ERC2: variants seen among roughly 807,000 people sequenced by gnomAD.
ERC2 encodes the protein ERC protein 2.
In ERC2, 42 loss-of-function variants were observed where a neutral mutation model predicts 114.8. The ratio of observed to expected loss-of-function variants is 0.37; its 90% confidence interval spans 0.29 to 0.47. ERC2 has a LOEUF of 0.47. Among genes scored for constraint, ERC2 ranks in the 20% least tolerant of loss-of-function variants. The pLI is 0.99. For missense variants in ERC2, 939 were observed against 1,150.7 expected (o/e 0.82, Z 2.66); for synonymous variants, 454 against 425.5 (o/e 1.07, Z -0.82).
At chr3:55,866,455 G>T (rs1194289397) in intron 14 of ERC2, among the ~76,000 whole-genome samples, 1 of 152,134 alleles carries the variant, frequency 6.6e-6, no homozygotes, top group Non-Finnish European at 1.5e-5. Context: ...TAGCACAAAA[G>T]TTTTTAATTT....
At chr3:56,309,747 T>A (rs1017405104) in intron 2 of ERC2, among the ~76,000 whole-genome samples, 1 of 152,208 alleles carries the variant, frequency 6.6e-6, no homozygotes, top group Non-Finnish European at 1.5e-5. Flanking sequence ...ACAAGTTCCC[T>A]TAAAGCCTGA....
intron 2 of ERC2, among the ~76,000 whole-genome samples, chr3:56,359,739 C>G (rs1314027015): frequency 6.6e-6 from 1 of 152,198 alleles, no homozygotes; most frequent in East Asian, 1.9e-4. Flanking sequence ...CTAGAAGATT[C>G]CACCCATGGG....
At chr3:55,564,566 G>A (rs77505408) in intron 17 of ERC2, among the ~76,000 whole-genome samples, 9,271 of 152,210 alleles carry the variant, frequency 0.061, 396 homozygotes, top group Non-Finnish European at 0.088. Context: ...TAAGTACACC[G>A]TCCTTCTTAG....
At chr3:55,869,688 T>C (rs1305499226) in intron 14 of ERC2, among the ~76,000 whole-genome samples, 2 of 152,154 alleles carry the variant, frequency 1.3e-5, no homozygotes, top group African/African-American at 4.8e-5. Flanking sequence ...CCACCCTGTA[T>C]TATAATTACC....
At chr3:55,858,529 A>G (rs957622297) in intron 14 of ERC2, among the ~76,000 whole-genome samples, 27 of 152,330 alleles carry the variant, frequency 1.8e-4, no homozygotes, top group African/African-American at 6.3e-4. Context: ...GCTGCTCACA[A>G]TGAAACAGAA....
At chr3:56,062,201 C>A (rs2076272169) in intron 7 of ERC2, among the ~76,000 whole-genome samples, 1 of 152,020 alleles carries the variant, frequency 6.6e-6, no homozygotes, top group South Asian at 2.1e-4. Flanking sequence ...TACATGTAAG[C>A]TAATTATTTT....
In ERC2 at chr3:55,798,975, AAAAT is replaced by A. The variant is rs554730009; in HGVS notation, c.2565-64061_2565-64058del. Among the ~76,000 whole-genome samples, 5 of 152,354 alleles carry A rather than the reference AAAAT, an allele frequency of 3.3e-5. No homozygotes were observed. In the South Asian group the frequency reaches 1.0e-3, roughly 32 times the overall value. ...AAATAATGTCCAATTTATTGCTAAA[AAAAT>A]AAATAATAAAGTACTAGACAAGAAG... is the stretch of plus-strand genomic sequence containing the variant. On this transcript the variant is annotated intron_variant, in intron 14 of 17. Coordinates refer to ENST00000288221, the MANE Select transcript of ERC2 (RefSeq NM_015576.3).
chr3:55,728,053 C>T (rs2065029527), intron 15 of ERC2, among the ~76,000 whole-genome samples: 1 of 152,146 alleles, frequency 6.6e-6, no homozygotes, highest in Admixed American at 6.5e-5. Flanking sequence ...CTACAGGGAA[C>T]AAGGATCATG....
intron 2 of ERC2, among the ~76,000 whole-genome samples, chr3:56,321,599 A>T (rs1372693434): frequency 3.3e-5 from 5 of 152,232 alleles, no homozygotes; most frequent in Admixed American, 2.6e-4. Context: ...GGTTACAGAT[A>T]CACAGTTGCC....
Position 56,441,224 on chromosome 3 carries a change from G to A in ERC2, c.-140-6077C>T, listed in dbSNP as rs1406843906. Among the ~76,000 whole-genome samples the A allele has an allele frequency of 1.4e-4, 21 of 152,290 alleles. No homozygotes were observed. The East Asian group carries it at 4.0e-3, about 29-fold the overall frequency. On this transcript the variant is annotated intron_variant, in intron 1 of 17. Transcript: ENST00000288221. ...ATACAGAGAGAGGCCACGTGAAGGA[G>A]AACCAAAGCACCCAGCCAAGAGTCA...
intron 6 of ERC2, among the ~76,000 whole-genome samples, chr3:56,135,963 T>G (rs989916218): frequency 2.6e-5 from 4 of 152,184 alleles, no homozygotes; most frequent in Non-Finnish European, 2.9e-5. Context: ...TTAGAGTCCT[T>G]TGAAGCTATT....
intron 13 of ERC2, among the ~76,000 whole-genome samples, chr3:55,949,334 C>T (rs1359934269): frequency 6.6e-6 from 1 of 151,888 alleles, no homozygotes; most frequent in African/African-American, 2.4e-5. Context: ...CGCGCCACTG[C>T]TCTCCAGTCT....
At chr3:55,783,011 C>G (rs1394477822) in intron 14 of ERC2, among the ~76,000 whole-genome samples, 2 of 152,198 alleles carry the variant, frequency 1.3e-5, no homozygotes, top group African/African-American at 4.8e-5. Flanking sequence ...GAGCCGGAAA[C>G]AGCTGGTGTG....
At chr3:55,625,483 A>G (rs566937230) in intron 17 of ERC2, among the ~76,000 whole-genome samples, 11 of 148,690 alleles carry the variant, frequency 7.4e-5, no homozygotes, top group African/African-American at 1.7e-4. Flanking sequence ...TGGGCGTGGT[A>G]GCTCACGCCT....
intron 7 of ERC2, among the ~76,000 whole-genome samples, chr3:56,059,148 T>C (rs1448938608): frequency 6.6e-6 from 1 of 151,972 alleles, no homozygotes; most frequent in African/African-American, 2.4e-5. Context: ...TAGGGTGCAG[T>C]GGCGCCATCT....
intron 14 of ERC2, among the ~76,000 whole-genome samples, chr3:55,771,389 G>C (rs868758201): frequency 1.3e-5 from 2 of 152,220 alleles, no homozygotes; most frequent in Middle Eastern, 3.2e-3. Context: ...GGTACCTTAT[G>C]TGCATTATCT....
At chr3:56,139,451 G>C (rs1352469939) in intron 6 of ERC2, 58 bp downstream of exon 6, 1 of 1,539,716 alleles carries the variant, frequency 6.5e-7, no homozygotes, top group South Asian at 1.2e-5. Context: ...TGTTCAGGTA[G>C]GGCAATTTCT....
intron 17 of ERC2, among the ~76,000 whole-genome samples, chr3:55,520,068 A>C (rs2052804650): frequency 6.8e-6 from 1 of 147,952 alleles, no homozygotes; most frequent in Non-Finnish European, 1.5e-5. Context: ...AAAAAAAGGA[A>C]AAAAAAGGAT....
chr3:56,442,700 T>C (rs1054382866), intron 1 of ERC2, among the ~76,000 whole-genome samples: 4 of 152,200 alleles, frequency 2.6e-5, no homozygotes, highest in African/African-American at 9.6e-5. Flanking sequence ...AAATTAAGTA[T>C]ACAATATAGC....
Sources: gnomAD v4.1 joint callset for allele counts (sites outside exome capture counted in the v4.1 genomes callset) on GRCh38, gnomAD v4.1.1 for gene constraint, MANE v1.5 for transcripts, NCBI Gene and HGNC (gene_info 2026-07-23, HGNC 2026-07-21) for gene names.